The following MGAT4C variants were observed in gnomAD, a reference collection of about 807,000 sequenced individuals.
MGAT4C encodes MGAT4 family member C.
MGAT4C carries 19 observed loss-of-function variants against 40.1 expected under a neutral mutation model. The observed-to-expected ratio is 0.47, with a 90% CI of 0.33 to 0.70. The LOEUF (loss-of-function observed/expected upper bound fraction) is 0.70, where lower values mean the gene tolerates loss of function less well. Among genes scored for constraint, MGAT4C ranks in the 30% least tolerant of loss-of-function variants. The pLI is 0.02. For synonymous variants in MGAT4C, 181 were observed against 187.1 expected, an observed-to-expected ratio of 0.97 and a Z score of 0.27; for missense variants, 491 against 563.2, an observed-to-expected ratio of 0.87 and a Z score of 1.30.
intron 3 of MGAT4C, among the ~76,000 whole-genome samples, chr12:86,354,648 G>T (rs1430349676): frequency 6.6e-6 from 1 of 152,128 alleles, no homozygotes; most frequent in Non-Finnish European, 1.5e-5. Flanking sequence ...GAACCTGAAG[G>T]TATATTAATA....
intron 1 of MGAT4C, among the ~76,000 whole-genome samples, chr12:86,806,248 T>A (rs1952350899): frequency 6.6e-6 from 1 of 151,968 alleles, no homozygotes; most frequent in South Asian, 2.1e-4. Context: ...TATTAGAATT[T>A]TTATCAATAA....
chr12:86,419,431 T>A (rs1233379283), intron 3 of MGAT4C, among the ~76,000 whole-genome samples: 2 of 151,068 alleles, frequency 1.3e-5, no homozygotes, highest in Non-Finnish European at 2.9e-5. Context: ...AAATTATATA[T>A]AAATATATAT....
At chr12:86,332,430 GA>G (rs891348056) in intron 4 of MGAT4C, among the ~76,000 whole-genome samples, 3 of 145,056 alleles carry the variant, frequency 2.1e-5, no homozygotes, top group African/African-American at 5.1e-5. Context: ...CAAAAAAAAA[GA>G]AAAAAAAAGC....
intron 4 of MGAT4C, among the ~76,000 whole-genome samples, chr12:86,323,407 A>T (rs1231857431): frequency 1.3e-5 from 2 of 151,696 alleles, no homozygotes; most frequent in African/African-American, 4.8e-5. Context: ...TTTCATCTTT[A>T]TTTCCTAAAA....
chr12:86,038,013 A>G lies in MGAT4C; in HGVS notation c.-7+11661T>C, dbSNP rs140268627. On this transcript the variant is annotated intron_variant, in intron 2 of 4. Coordinates refer to ENST00000611864, the MANE Select transcript of MGAT4C (RefSeq NM_001351288.2). ...GGAATGGGAAATGACAGTTTGAGAG[A>G]GAATGTGGGTCCAGGGGGCCAATGC... 5.0e-4 allele frequency among the ~76,000 whole-genome samples: 75 copies of G among 149,752 alleles called. 2 individuals carry two copies. Among genetic ancestry groups the G allele is most frequent in the African/African-American group, 1.6e-3 (67 of 41,326 alleles).
At chr12:86,411,643 A>C (rs1956606620) in intron 3 of MGAT4C, among the ~76,000 whole-genome samples, 1 of 152,224 alleles carries the variant, frequency 6.6e-6, no homozygotes. Context: ...GCAGACTATA[A>C]AAGTGTGGAA....
chr12:86,273,415 A>T (rs925324909), intron 4 of MGAT4C, among the ~76,000 whole-genome samples: 1 of 152,198 alleles, frequency 6.6e-6, no homozygotes, highest in African/African-American at 2.4e-5. Context: ...TTTAGAGGAG[A>T]AATATATAAA....
Position 86,804,322 on chromosome 12 carries a change from C to T in MGAT4C, c.-262+34344G>A, listed in dbSNP as rs540473164. Reference sequence around the variant, plus strand: ...GGGAGATATACCTAATGCTAGATGACGAGTTAGTGGGTGCAGCGCACCAGC... The same window carrying T: ...GGGAGATATACCTAATGCTAGATGATGAGTTAGTGGGTGCAGCGCACCAGC... On this transcript the variant is annotated intron_variant, in intron 1 of 7. Coordinates refer to the MGAT4C transcript ENST00000548651. Among the ~76,000 whole-genome samples, 5 of 143,614 alleles carry T rather than the reference C, an allele frequency of 3.5e-5. No individual in the cohort carries two copies. In the East Asian group the frequency reaches 8.4e-4, roughly 24 times the overall value. The allele number at this position is 143,614 out of a possible 152,430, so 94.2% of individuals were successfully genotyped here. A position where few individuals can be genotyped will look rare whatever the true frequency, so the allele number is the denominator to read the frequency against.
chr12:86,570,105 T>G (rs1241722253), intron 2 of MGAT4C, among the ~76,000 whole-genome samples: 1 of 152,088 alleles, frequency 6.6e-6, no homozygotes. Context: ...TGAAACAGGA[T>G]GAATACATTC....
chr12:86,421,357 C>T (rs1335514028), intron 3 of MGAT4C, among the ~76,000 whole-genome samples: 2 of 152,120 alleles, frequency 1.3e-5, no homozygotes, highest in Non-Finnish European at 2.9e-5. Context: ...TTATTCTTTA[C>T]ATATTGATTG....
chr12:86,088,940 GTCT>G (rs968940646), intron 1 of MGAT4C, among the ~76,000 whole-genome samples: 31 of 151,868 alleles, frequency 2.0e-4, no homozygotes, highest in African/African-American at 5.8e-4. Context: ...AAGTATTATT[GTCT>G]TCTTCTTATT....
chr12:86,833,404 G>A (rs1425564304), intron 1 of MGAT4C, among the ~76,000 whole-genome samples: 1 of 151,856 alleles, frequency 6.6e-6, no homozygotes, highest in African/African-American at 2.4e-5. Context: ...CAGACTGGGT[G>A]GCTTAAATAA....
intron 2 of MGAT4C, among the ~76,000 whole-genome samples, chr12:86,603,028 G>T (rs754986004): frequency 6.6e-6 from 1 of 151,418 alleles, no homozygotes. Context: ...ACAAAATATG[G>T]CACAATGTCA....
intron 2 of MGAT4C, among the ~76,000 whole-genome samples, chr12:86,658,510 A>ATCACAGT (rs1219309130): frequency 1.3e-5 from 2 of 152,108 alleles, no homozygotes; most frequent in Non-Finnish European, 2.9e-5. Flanking sequence ...GGCCTGACAT[A>ATCACAGT]TCACAGTAAT....
chr12:86,289,848 T>C (rs1953460517), intron 4 of MGAT4C, among the ~76,000 whole-genome samples: 1 of 152,214 alleles, frequency 6.6e-6, no homozygotes, highest in South Asian at 2.1e-4. Context: ...CCCAAATTCA[T>C]AGTTAACTCA....
chr12:86,051,043 T>C lies in MGAT4C; in HGVS notation c.-56-1320A>G, dbSNP rs1465527053. 6.0e-5 allele frequency among the ~76,000 whole-genome samples: 6 copies of C among 100,548 alleles called. No individual in the cohort carries two copies. In the South Asian group the frequency reaches 2.6e-3, roughly 44 times the overall value. The allele number at this position is 100,548 out of a possible 152,430, so 66.0% of individuals were successfully genotyped here. A position where few individuals can be genotyped will look rare whatever the true frequency, so the allele number is the denominator to read the frequency against. Reference sequence around the variant, plus strand: ...CAATCGGTTGAATCCCATGCAAGCATTGTGTATTTGGTCACAGCAAGGTGT... The same window carrying C: ...CAATCGGTTGAATCCCATGCAAGCACTGTGTATTTGGTCACAGCAAGGTGT... On this transcript the variant is annotated intron_variant, in intron 1 of 4. Transcript: ENST00000611864.
At chr12:86,384,248 A>G (rs1391342584) in intron 3 of MGAT4C, among the ~76,000 whole-genome samples, 1 of 152,222 alleles carries the variant, frequency 6.6e-6, no homozygotes, top group African/African-American at 2.4e-5. Context: ...ACTCACATGC[A>G]TCTCCTAAAA....
chr12:86,000,952 T>G (rs538642561), intron 2 of MGAT4C, among the ~76,000 whole-genome samples: 1 of 152,290 alleles, frequency 6.6e-6, no homozygotes. Context: ...AACAGGCTCA[T>G]GCTTATCACT....
intron 1 of MGAT4C, among the ~76,000 whole-genome samples, chr12:86,123,445 T>C (rs1166246375): frequency 6.6e-6 from 1 of 152,168 alleles, no homozygotes; most frequent in Non-Finnish European, 1.5e-5. Context: ...CATCTGAATG[T>C]AGTTTGAGCA....
Sources: gnomAD v4.1 joint callset for allele counts (sites outside exome capture counted in the v4.1 genomes callset) on GRCh38, gnomAD v4.1.1 for gene constraint, MANE v1.5 for transcripts, NCBI Gene and HGNC (gene_info 2026-07-23, HGNC 2026-07-21) for gene names.